Variants in TULP4 observed in about 807,000 individuals in gnomAD.
TULP4 encodes the protein TUB like protein 4, also known as tubby-related protein 4.
Under a neutral mutation model 129.0 loss-of-function variants are expected in TULP4, and 16 were observed. The observed-to-expected ratio is 0.12, with a 90% CI of 0.08 to 0.19. The LOEUF (loss-of-function observed/expected upper bound fraction) is 0.19. Among genes scored for constraint, TULP4 ranks in the 10% least tolerant of loss-of-function variants. The pLI, the probability that TULP4 is intolerant of heterozygous loss-of-function variation, is 1.00. For missense variants in TULP4, 1,842 were observed against 2,059.1 expected, an observed-to-expected ratio of 0.89 and a Z score of 2.04; for synonymous variants, 998 against 854.0, an observed-to-expected ratio of 1.17 and a Z score of -2.94.
chr6:158,298,650 A>G (rs918197748), intron 1 of TULP4, among the ~76,000 whole-genome samples: 7 of 152,174 alleles, frequency 4.6e-5, no homozygotes, highest in Admixed American at 2.0e-4. Flanking sequence ...ATAAATGACA[A>G]TTAATGCATT....
intron 1 of TULP4, among the ~76,000 whole-genome samples, chr6:158,338,797 G>A (rs1255464908): frequency 4.6e-5 from 7 of 152,190 alleles, no homozygotes; most frequent in African/African-American, 9.6e-5. Flanking sequence ...TCTGCAGGTG[G>A]GGAATGATCA....
intron 1 of TULP4, among the ~76,000 whole-genome samples, chr6:158,268,366 G>C (rs1778488954): frequency 6.6e-6 from 1 of 152,058 alleles, no homozygotes; most frequent in Non-Finnish European, 1.5e-5. Context: ...TGGGACTTTG[G>C]GGAGAGGGAT....
intron 1 of TULP4, among the ~76,000 whole-genome samples, chr6:158,349,545 CA>C (rs1780438904): frequency 1.4e-5 from 2 of 140,284 alleles, no homozygotes; most frequent in Non-Finnish European, 1.6e-5. Flanking sequence ...GCGCTCCTCA[CA>C]TCCCAGACGA....
chr6:158,480,426 C>T (rs1290851041), intron 7 of TULP4, among the ~76,000 whole-genome samples: 3 of 152,234 alleles, frequency 2.0e-5, no homozygotes, highest in Admixed American at 6.5e-5. Flanking sequence ...GGATTAGACC[C>T]ACCCCAGTTC....
upstream of TULP4, among the ~76,000 whole-genome samples, chr6:158,308,779 C>G (rs545973784): frequency 9.0e-4 from 131 of 145,264 alleles, no homozygotes; most frequent in African/African-American, 3.1e-3. Flanking sequence ...ACCTCCCTCC[C>G]GGACGGGGCA....
At chr6:158,475,318 C>G (rs1779792289) in intron 6 of TULP4, among the ~76,000 whole-genome samples, 1 of 152,234 alleles carries the variant, frequency 6.6e-6, no homozygotes, top group African/African-American at 2.4e-5. Context: ...GTGGTTCTCC[C>G]TGTTCCACCA....
chr6:158,473,102 T>C (rs1222191998), intron 6 of TULP4, among the ~76,000 whole-genome samples: 4 of 152,102 alleles, frequency 2.6e-5, no homozygotes, highest in East Asian at 1.9e-4. Flanking sequence ...TGATACTGGG[T>C]AAAAAATTAA....
chr6:158,489,037 G>A (rs956437585), intron 8 of TULP4, among the ~76,000 whole-genome samples: 1 of 152,184 alleles, frequency 6.6e-6, no homozygotes, highest in Non-Finnish European at 1.5e-5. Context: ...ACGCAGGCAA[G>A]CAGCTTTACC....
chr6:158,359,193 C>T (rs1562533862), intron 1 of TULP4, among the ~76,000 whole-genome samples: 1 of 152,124 alleles, frequency 6.6e-6, no homozygotes, highest in South Asian at 2.1e-4. Context: ...GTGTCCACTT[C>T]GTTTACAGTG....
chr6:158,338,134 C>T (rs1780089213), intron 1 of TULP4, among the ~76,000 whole-genome samples: 1 of 152,100 alleles, frequency 6.6e-6, no homozygotes, highest in Non-Finnish European at 1.5e-5. Flanking sequence ...ACAAGTCACA[C>T]TTTATGTATT....
chr6:158,489,276 G>A (rs1402704929), intron 8 of TULP4, among the ~76,000 whole-genome samples: 1 of 152,226 alleles, frequency 6.6e-6, no homozygotes, highest in African/African-American at 2.4e-5. Context: ...ATGAACCCAG[G>A]TGGGCACCTG....
chr6:158,409,989 G>A (rs1442600895), intron 1 of TULP4, among the ~76,000 whole-genome samples: 4 of 152,080 alleles, frequency 2.6e-5, no homozygotes, highest in Non-Finnish European at 5.9e-5. Context: ...CCGAGTAGCT[G>A]GGACTACAGG....
At chr6:158,345,524 G>T (rs1235350205) in intron 1 of TULP4, among the ~76,000 whole-genome samples, 1 of 152,152 alleles carries the variant, frequency 6.6e-6, no homozygotes, top group Non-Finnish European at 1.5e-5. Context: ...ATCACATATC[G>T]GTAGGACCGT....
intron 1 of TULP4, among the ~76,000 whole-genome samples, chr6:158,390,475 G>T (rs554702902): frequency 2.0e-5 from 3 of 151,992 alleles, no homozygotes; most frequent in Non-Finnish European, 4.4e-5. Flanking sequence ...TTAGTGATTT[G>T]TTAGCATCTT....
chr6:158,240,771 T>A (rs371481396), intron 1 of TULP4, among the ~76,000 whole-genome samples: 25,865 of 101,724 alleles, frequency 0.25, 3,870 homozygotes, highest in Admixed American at 0.37. Context: ...TCCCTCCCGG[T>A]CGGCACGGCT....
chr6:158,362,198 A>G (rs1231119946), intron 1 of TULP4, among the ~76,000 whole-genome samples: 1 of 152,200 alleles, frequency 6.6e-6, no homozygotes, highest in Non-Finnish European at 1.5e-5. Flanking sequence ...GACTCTGACC[A>G]CAGACTATCT....
chr6:158,264,784 C>G (rs985890443), intron 1 of TULP4, among the ~76,000 whole-genome samples: 10 of 152,166 alleles, frequency 6.6e-5, no homozygotes, highest in African/African-American at 2.4e-4. Flanking sequence ...CCTCTCTTCT[C>G]CATGCCTCTA....
At chr6:158,315,131 T>C (rs1779458709) in intron 1 of TULP4, among the ~76,000 whole-genome samples, 1 of 152,226 alleles carries the variant, frequency 6.6e-6, no homozygotes, top group Non-Finnish European at 1.5e-5. Flanking sequence ...AAATAGCTAC[T>C]GTAAAGGAGC....
chr6:158,272,907 G>T (rs1408190627), intron 1 of TULP4, among the ~76,000 whole-genome samples: 1 of 152,186 alleles, frequency 6.6e-6, no homozygotes, highest in Non-Finnish European at 1.5e-5. Context: ...TATTGAAAAA[G>T]AGCTTATGGA....
Sources: gnomAD v4.1 joint callset for allele counts (sites outside exome capture counted in the v4.1 genomes callset) on GRCh38, gnomAD v4.1.1 for gene constraint, MANE v1.5 for transcripts, NCBI Gene and HGNC (gene_info 2026-07-23, HGNC 2026-07-21) for gene names.